The following DPYD variants were observed in gnomAD, a reference collection of about 807,000 sequenced individuals.
The protein encoded by DPYD is dihydropyrimidine dehydrogenase [NADP(+)].
Under a neutral mutation model 116.2 loss-of-function variants are expected in DPYD, and 109 were observed. The observed-to-expected ratio is 0.94, with a 90% CI of 0.80 to 1.10. DPYD has a LOEUF of 1.10. DPYD is among the 50% of genes least tolerant of loss of function. DPYD has a pLI of 0.00. For missense variants in DPYD, 1,302 were observed against 1,254.5 expected (o/e 1.04, Z -0.57); for synonymous variants, 440 against 432.0 (o/e 1.02, Z -0.23).
intron 13 of DPYD, among the ~76,000 whole-genome samples, chr1:97,469,402 A>AAAAAAAAAAAAAAAAAAAAT (rs1677509761): frequency 1.5e-4 from 1 of 6,656 alleles, no homozygotes; most frequent in Non-Finnish European, 8.6e-4. Context: ...AATTGCAAAA[A>AAAAAAAAAAAAAAAAAAAAT]AAAAAAAAAA....
chr1:97,760,966 A>G (rs2101126938), intron 3 of DPYD, among the ~76,000 whole-genome samples: 1 of 152,214 alleles, frequency 6.6e-6, no homozygotes, highest in Admixed American at 6.5e-5. Flanking sequence ...GATAATATAA[A>G]ACCGTATGCC....
At chr1:97,678,248 T>C (rs1405771391) in intron 8 of DPYD, among the ~76,000 whole-genome samples, 2 of 152,134 alleles carry the variant, frequency 1.3e-5, no homozygotes, top group Non-Finnish European at 1.5e-5. Context: ...TGCCATTAGA[T>C]TCTAATCTAA....
rs563471734 is a variant in DPYD, at chr1:97,817,910, T to C, written c.233+10204A>G. Among the ~76,000 whole-genome samples, 9 of 152,192 alleles carry C rather than the reference T, an allele frequency of 5.9e-5. No individual in the cohort carries two copies. In the South Asian group the frequency reaches 1.9e-3, roughly 32 times the overall value. ...CCAATTTTTATCTCCTAAATAATTTTAGCTATTAGCTGCTCATTCAAAGTC... is the reference window on the plus strand; with the variant it reads ...CCAATTTTTATCTCCTAAATAATTTCAGCTATTAGCTGCTCATTCAAAGTC... On this transcript the variant is annotated intron_variant, in intron 3 of 22. Coordinates refer to ENST00000370192, the MANE Select transcript of DPYD (RefSeq NM_000110.4).
chr1:97,254,346 G>A (rs1166275268), intron 18 of DPYD, among the ~76,000 whole-genome samples: 5 of 151,946 alleles, frequency 3.3e-5, no homozygotes, highest in Admixed American at 6.6e-5. Flanking sequence ...TTCTAAAAAC[G>A]AAAGGAAAAA....
chr1:97,864,978 A>C (rs1671299883), intron 2 of DPYD, among the ~76,000 whole-genome samples: 1 of 151,862 alleles, frequency 6.6e-6, no homozygotes, highest in Admixed American at 6.6e-5. Context: ...AGTTGTAATA[A>C]CATACTTTCA....
chr1:97,811,627 A>C (rs1668354964), intron 3 of DPYD, among the ~76,000 whole-genome samples: 1 of 152,124 alleles, frequency 6.6e-6, no homozygotes, highest in African/African-American at 2.4e-5. Context: ...TTGTTTCGAA[A>C]CTTCAGTTTT....
intron 6 of DPYD, among the ~76,000 whole-genome samples, chr1:97,693,313 AAAAACC>A (rs1661125156): frequency 4.0e-5 from 5 of 126,374 alleles, no homozygotes; most frequent in Admixed American, 1.5e-4. Context: ...AAAAAAAAAA[AAAAACC>A]AAAAAAGAAA....
At chr1:97,810,144 G>A (rs567662346) in intron 3 of DPYD, among the ~76,000 whole-genome samples, 18 of 151,714 alleles carry the variant, frequency 1.2e-4, no homozygotes, top group South Asian at 6.3e-4. Flanking sequence ...AAAATTAGCC[G>A]GGTGTGGTGG....
At chr1:97,472,303 C>G (rs1387638889) in intron 13 of DPYD, among the ~76,000 whole-genome samples, 1 of 152,180 alleles carries the variant, frequency 6.6e-6, no homozygotes, top group Non-Finnish European at 1.5e-5. Flanking sequence ...CTACCCAGCA[C>G]TCCTTTTCTG....
At chr1:97,376,887 G>GTGTGTGTGTGTGTATATATATATA in intron 15 of DPYD, among the ~76,000 whole-genome samples, 4 of 128,456 alleles carry the variant, frequency 3.1e-5, no homozygotes, top group African/African-American at 1.1e-4. Context: ...GTGTGTGTGT[G>GTGTGTGTGTGTGTATATATATATA]TATATATATA....
chr1:97,590,222 C>T (rs1407763588), intron 10 of DPYD, among the ~76,000 whole-genome samples: 2 of 152,156 alleles, frequency 1.3e-5, no homozygotes, highest in Admixed American at 6.5e-5. Flanking sequence ...GTAAGAGAAT[C>T]AATCCTGAAA....
At chr1:97,672,451 T>C (rs1659920713) in intron 8 of DPYD, among the ~76,000 whole-genome samples, 1 of 152,248 alleles carries the variant, frequency 6.6e-6, no homozygotes, top group South Asian at 2.1e-4. Context: ...TTGGGAGCCA[T>C]TTTACAATTA....
At chr1:97,333,261 G>C (rs1669112779) in intron 16 of DPYD, among the ~76,000 whole-genome samples, 1 of 151,622 alleles carries the variant, frequency 6.6e-6, no homozygotes, top group Non-Finnish European at 1.5e-5. Flanking sequence ...TCTGGGCCTA[G>C]ATCTACTGTC....
At chr1:97,377,465 T>C (rs927001727) in intron 15 of DPYD, among the ~76,000 whole-genome samples, 4 of 152,176 alleles carry the variant, frequency 2.6e-5, no homozygotes, top group African/African-American at 9.7e-5. Flanking sequence ...TCCTCTGCCT[T>C]GATATGAAAA....
In DPYD at chr1:97,333,517, AT is replaced by A. The variant is rs778577478; in HGVS notation, c.2059-27221del. Among the ~76,000 whole-genome samples the A allele has an allele frequency of 9.1e-3, 886 of 97,030 alleles. 4 individuals are homozygous for A. Among genetic ancestry groups the A allele is most frequent in the African/African-American group, 0.015 (367 of 23,750 alleles). 63.7% of individuals were successfully genotyped at this position (97,030 alleles called of 152,430 possible). A position where few individuals can be genotyped will look rare whatever the true frequency, so the allele number is the denominator to read the frequency against. ...CCGGCCCCAATTGCTAAGTCTTAGGATTTTTTTTTTTTTTTTTTTTTGAGAT... is the reference window on the plus strand; with the variant it reads ...CCGGCCCCAATTGCTAAGTCTTAGGATTTTTTTTTTTTTTTTTTTTGAGAT... On this transcript the variant is annotated intron_variant, in intron 16 of 22. Transcript: ENST00000370192.
At chr1:97,441,829 A>G (rs1675812902) in intron 14 of DPYD, among the ~76,000 whole-genome samples, 1 of 152,160 alleles carries the variant, frequency 6.6e-6, no homozygotes, top group Non-Finnish European at 1.5e-5. Flanking sequence ...GTTGCAGTTA[A>G]GTTATATGGA....
chr1:97,348,950 C>A (rs1420803943), intron 16 of DPYD, among the ~76,000 whole-genome samples: 2 of 152,176 alleles, frequency 1.3e-5, no homozygotes, highest in Admixed American at 6.6e-5. Context: ...AGGAAAGACA[C>A]AGTGAGGAAA....
intron 21 of DPYD, among the ~76,000 whole-genome samples, chr1:97,093,652 C>A (rs1650038213): frequency 6.6e-6 from 1 of 152,144 alleles, no homozygotes; most frequent in African/African-American, 2.4e-5. Context: ...TAGTTTGAAC[C>A]TAGGCAGTGT....
chr1:97,399,230 C>A lies in DPYD; in HGVS notation c.1906-16769G>T, dbSNP rs187188793. ...TCCTTTCCCCATTGCTTGTTTTTGT[C>A]AGGTTTGTCAAAGATCAGATAGTTG... On this transcript the variant is annotated intron_variant, in intron 14 of 22. Transcript: ENST00000370192. Among the ~76,000 whole-genome samples, 1,150 of 152,188 alleles carry A rather than the reference C, an allele frequency of 7.6e-3. 16 individuals carry two copies. Among genetic ancestry groups the A allele is most frequent in the African/African-American group, 0.026 (1,098 of 41,502 alleles).
Sources: allele counts gnomAD v4.1 joint callset (sites outside exome capture counted in the v4.1 genomes callset), GRCh38; gene constraint gnomAD v4.1.1; transcripts MANE v1.5; gene names NCBI Gene and HGNC (gene_info 2026-07-23, HGNC 2026-07-21).